The following SNTB1 variants were observed in gnomAD, a reference collection of about 807,000 sequenced individuals.
The protein encoded by SNTB1 is beta-1-syntrophin.
SNTB1 carries 36 observed loss-of-function variants against 48.9 expected under a neutral mutation model. That is an observed-to-expected ratio of 0.74 (90% confidence interval 0.56 to 0.97). The LOEUF is 0.97. Among genes scored for constraint, SNTB1 ranks in the 50% least tolerant of loss-of-function variants. The pLI is 0.00. For synonymous variants in SNTB1, 299 were observed against 294.6 expected (o/e 1.01, Z -0.15); for missense variants, 786 against 703.4 (o/e 1.12, Z -1.33).
chr8:120,781,374 T>G (rs1219446472), intron 1 of SNTB1, among the ~76,000 whole-genome samples: 1 of 152,222 alleles, frequency 6.6e-6, no homozygotes, highest in Non-Finnish European at 1.5e-5. Context: ...TTTTGCCATT[T>G]TTTTTTAACC....
intron 1 of SNTB1, among the ~76,000 whole-genome samples, chr8:120,742,282 C>T (rs1036907976): frequency 6.6e-6 from 1 of 152,156 alleles, no homozygotes; most frequent in Admixed American, 6.5e-5. Context: ...TTTCTTGATT[C>T]TCTTGGATGT....
At chr8:120,704,377 GCT>G (rs1818349028) in intron 1 of SNTB1, among the ~76,000 whole-genome samples, 1 of 152,008 alleles carries the variant, frequency 6.6e-6, no homozygotes, top group South Asian at 2.1e-4. Context: ...GATCACTTGA[GCT>G]CAGTAAGTTG....
At chr8:120,710,889 TA>T (rs1158048691) in intron 1 of SNTB1, among the ~76,000 whole-genome samples, 1 of 152,184 alleles carries the variant, frequency 6.6e-6, no homozygotes, top group Non-Finnish European at 1.5e-5. Flanking sequence ...TAAAAAATAT[TA>T]AAGGATATTT....
intron 1 of SNTB1, among the ~76,000 whole-genome samples, chr8:120,707,468 T>A (rs1818396439): frequency 6.6e-6 from 1 of 152,132 alleles, no homozygotes; most frequent in Non-Finnish European, 1.5e-5. Context: ...AGCTTTAAGG[T>A]TCTATCAGAG....
At chr8:120,593,541 A>G (rs981077243) in intron 3 of SNTB1, among the ~76,000 whole-genome samples, 12 of 152,220 alleles carry the variant, frequency 7.9e-5, no homozygotes, top group Non-Finnish European at 1.6e-4. Flanking sequence ...AAAAGGAAGG[A>G]AACAAACAAA....
At chr8:120,630,790 T>C (rs1273586198) in intron 3 of SNTB1, among the ~76,000 whole-genome samples, 2 of 152,308 alleles carry the variant, frequency 1.3e-5, no homozygotes, top group East Asian at 3.9e-4. Flanking sequence ...GAACGGATTA[T>C]CCAAGTTAAC....
intron 3 of SNTB1, among the ~76,000 whole-genome samples, chr8:120,576,270 T>C (rs1387998337): frequency 1.3e-5 from 2 of 152,224 alleles, no homozygotes; most frequent in Non-Finnish European, 1.5e-5. Context: ...AAAGATTTAA[T>C]GTTGTCATAA....
At chr8:120,750,189 T>G (rs767205799) in intron 1 of SNTB1, among the ~76,000 whole-genome samples, 7 of 143,526 alleles carry the variant, frequency 4.9e-5, no homozygotes, top group Non-Finnish European at 1.1e-4. Flanking sequence ...CATTCCTTCC[T>G]TTTCACCATT....
intron 3 of SNTB1, among the ~76,000 whole-genome samples, chr8:120,618,084 C>T (rs928123613): frequency 2.0e-5 from 3 of 152,154 alleles, no homozygotes; most frequent in Admixed American, 1.3e-4. Flanking sequence ...CATACTATTT[C>T]TGCAACCCGG....
chr8:120,746,473 A>G (rs1175956987), intron 1 of SNTB1, among the ~76,000 whole-genome samples: 1 of 152,176 alleles, frequency 6.6e-6, no homozygotes, highest in Non-Finnish European at 1.5e-5. Context: ...TAGCGCAGAG[A>G]TTGCTGCCCC....
chr8:120,651,731 G>A (rs1817414145), intron 2 of SNTB1, among the ~76,000 whole-genome samples: 2 of 151,970 alleles, frequency 1.3e-5, no homozygotes, highest in African/African-American at 4.8e-5. Flanking sequence ...GTAGGGAGAA[G>A]GAGAGAAAAA....
chr8:120,693,963 A>G (rs933674527), intron 1 of SNTB1, 55 bp from the exon 2 acceptor site: 70 of 1,368,622 alleles, frequency 5.1e-5, no homozygotes, highest in Non-Finnish European at 6.8e-5. Context: ...AATTTCTGGG[A>G]AGTCTGATTG....
chr8:120,785,782 G>A lies in SNTB1; in HGVS notation c.571+25491C>T, dbSNP rs536410603. Among the ~76,000 whole-genome samples the A allele has an allele frequency of 2.1e-3, 327 of 152,346 alleles. 1 individual carries two copies. The highest frequency in any genetic ancestry group is 7.5e-3 in the African/African-American group (312 of 41,584). ...TCCCACTGTTACTACCACAGCTGGAGCTCTTTTGCAAGCATCACCTCCTGG... is the reference window on the plus strand; with the variant it reads ...TCCCACTGTTACTACCACAGCTGGAACTCTTTTGCAAGCATCACCTCCTGG... On this transcript the variant is annotated intron_variant, in intron 1 of 6. Coordinates refer to ENST00000517992, the MANE Select transcript of SNTB1 (RefSeq NM_021021.4).
chr8:120,636,746 G>A (rs953288009), intron 2 of SNTB1: 2 of 152,534 alleles, frequency 1.3e-5, no homozygotes, highest in African/African-American at 4.9e-5. Context: ...ATAATCCTTT[G>A]GGTATATACC....
intron 1 of SNTB1, among the ~76,000 whole-genome samples, chr8:120,803,886 G>A (rs1449842917): frequency 6.6e-6 from 1 of 152,116 alleles, no homozygotes; most frequent in East Asian, 1.9e-4. Context: ...GAGCCATAGG[G>A]GGTCAAAAGA....
chr8:120,636,400 A>C (rs28489559), intron 2 of SNTB1, among the ~76,000 whole-genome samples: 20 of 71,770 alleles, frequency 2.8e-4, no homozygotes, highest in African/African-American at 6.3e-4. Flanking sequence ...CCCTCCCCCC[A>C]CCCCACAACA....
At chr8:120,553,680 T>G (rs148310287) in intron 4 of SNTB1, among the ~76,000 whole-genome samples, 2 of 152,340 alleles carry the variant, frequency 1.3e-5, no homozygotes, top group African/African-American at 4.8e-5. Flanking sequence ...TGATTTTATT[T>G]CTTCTTTTTA....
chr8:120,758,711 G>T (rs1819360140), intron 1 of SNTB1, among the ~76,000 whole-genome samples: 1 of 152,156 alleles, frequency 6.6e-6, no homozygotes, highest in Non-Finnish European at 1.5e-5. Flanking sequence ...CAGCCAGAGA[G>T]ACTCAAGGAC....
chr8:120,553,928 G>A (rs1406102294), intron 4 of SNTB1, among the ~76,000 whole-genome samples: 1 of 152,132 alleles, frequency 6.6e-6, no homozygotes, highest in Non-Finnish European at 1.5e-5. Flanking sequence ...AACCCAGGAG[G>A]CAGAGGTTGC....
Sources: allele counts gnomAD v4.1 joint callset (sites outside exome capture counted in the v4.1 genomes callset), GRCh38; gene constraint gnomAD v4.1.1; transcripts MANE v1.5; gene names NCBI Gene and HGNC (gene_info 2026-07-23, HGNC 2026-07-21).